Variants in LYRM4 observed in about 807,000 individuals in gnomAD.
LYRM4 encodes the protein LYR motif-containing protein 4.
Under a neutral mutation model 11.7 loss-of-function variants are expected in LYRM4, and 9 were observed. The observed-to-expected ratio is 0.77, with a 90% CI of 0.46 to 1.34. The LOEUF (loss-of-function observed/expected upper bound fraction) is 1.34. LYRM4 is among the 40% of genes most tolerant of loss of function. The pLI is 0.00. For synonymous variants in LYRM4, 42 were observed against 40.4 expected (o/e 1.04, Z -0.15); for missense variants, 133 against 112.5 (o/e 1.18, Z -0.82).
chr6:5,118,209 T>A (rs949956121), intron 2 of LYRM4, among the ~76,000 whole-genome samples: 10 of 151,376 alleles, frequency 6.6e-5, no homozygotes, highest in Non-Finnish European at 1.2e-4. Context: ...CCTCACCTCC[T>A]GTGTTCAAGT....
chr6:5,101,968 C>CTTTTTT (rs397826404), downstream of LYRM4, among the ~76,000 whole-genome samples: 1,427 of 67,962 alleles, frequency 0.021, 248 homozygotes, highest in Non-Finnish European at 0.033. Context: ...CTAATGCTTT[C>CTTTTTT]TTTTTTTTTT....
intron 1 of LYRM4, among the ~76,000 whole-genome samples, chr6:5,253,692 T>C (rs1345950059): frequency 3.3e-5 from 5 of 152,104 alleles, no homozygotes; most frequent in Non-Finnish European, 7.4e-5. Context: ...CACCGACCAA[T>C]TGAGAGCAAT....
chr6:5,160,449 C>T (rs577004334), intron 2 of LYRM4, among the ~76,000 whole-genome samples: 48 of 152,006 alleles, frequency 3.2e-4, no homozygotes, highest in African/African-American at 1.1e-3. Context: ...ATCATGGGGG[C>T]GGGTCTTTTC....
intron 1 of LYRM4, among the ~76,000 whole-genome samples, chr6:5,258,688 A>G (rs561074365): frequency 3.3e-5 from 5 of 152,370 alleles, no homozygotes; most frequent in Non-Finnish European, 5.9e-5. Context: ...CTCAGGTAAC[A>G]GTATAAAATG....
At chr6:5,132,179 A>G (rs1763985694) in intron 2 of LYRM4, among the ~76,000 whole-genome samples, 1 of 152,260 alleles carries the variant, frequency 6.6e-6, no homozygotes. Flanking sequence ...CATAAGCAAT[A>G]CATATTTAGG....
intron 2 of LYRM4, 139 bp downstream of exon 2, chr6:5,216,479 C>A: frequency 1.1e-6 from 1 of 927,302 alleles, no homozygotes; most frequent in Non-Finnish European, 1.7e-6. Context: ...CTTTACATGT[C>A]TGTATTAGTA....
rs560018038 is a variant in LYRM4, at chr6:5,189,221, C to T, written c.207+27397G>A. 1.4e-4 allele frequency among the ~76,000 whole-genome samples: 21 copies of T among 152,330 alleles called. No individual in the cohort carries two copies. In the South Asian group the frequency reaches 3.9e-3, roughly 29 times the overall value. On this transcript the variant is annotated intron_variant, in intron 2 of 2. Transcript: ENST00000330636. ...TCGTATCTCAATTTCACAACAGCCC[C>T]AGTTTTATTTGTTTTGGAGAAATTA...
chr6:5,147,369 T>C (rs1757786306), intron 2 of LYRM4, among the ~76,000 whole-genome samples: 2 of 152,348 alleles, frequency 1.3e-5, no homozygotes, highest in African/African-American at 4.8e-5. Flanking sequence ...ACCTGGATTT[T>C]GGGTTAAATA....
chr6:5,257,628 T>C (rs995442612), intron 1 of LYRM4, among the ~76,000 whole-genome samples: 6 of 152,328 alleles, frequency 3.9e-5, no homozygotes, highest in Middle Eastern at 3.4e-3. Context: ...CTCCATCTCC[T>C]GTCAGATCAG....
intron 1 of LYRM4, chr6:5,240,662 G>A (rs754402370): frequency 2.6e-5 from 4 of 152,224 alleles, no homozygotes; most frequent in Non-Finnish European, 5.9e-5. Flanking sequence ...TTGTAAACCC[G>A]CAGCAGTAGT....
At chr6:5,197,369 T>A (rs1281700006) in intron 2 of LYRM4, among the ~76,000 whole-genome samples, 1 of 152,042 alleles carries the variant, frequency 6.6e-6, no homozygotes, top group Non-Finnish European at 1.5e-5. Flanking sequence ...AAGGGTAATA[T>A]CTTAGAATAG....
At chr6:5,090,366 G>A in the LYRM4 span, among the ~76,000 whole-genome samples, 6 of 152,246 alleles carry the variant, frequency 3.9e-5, no homozygotes, top group Admixed American at 1.3e-4. The surrounding 1 kb of genome is among the most constrained non-coding windows in gnomAD (Gnocchi z 4.8). Flanking sequence ...TATTCTCCCC[G>A]GGAAGCTTCC....
At chr6:5,175,654 G>A (rs1296997600) in intron 2 of LYRM4, among the ~76,000 whole-genome samples, 1 of 152,158 alleles carries the variant, frequency 6.6e-6, no homozygotes, top group Non-Finnish European at 1.5e-5. Context: ...ATTGAGAATC[G>A]GGGGTCTATG....
At chr6:5,184,890 C>G (rs1760292466) in intron 2 of LYRM4, among the ~76,000 whole-genome samples, 1 of 152,176 alleles carries the variant, frequency 6.6e-6, no homozygotes, top group Non-Finnish European at 1.5e-5. Context: ...CTCATCACAC[C>G]TCTGATTACA....
the LYRM4 span, among the ~76,000 whole-genome samples, chr6:5,096,605 C>T: frequency 1.3e-5 from 2 of 152,186 alleles, no homozygotes; most frequent in African/African-American, 4.8e-5. Flanking sequence ...GGCTCTAGGA[C>T]AGCCAGGCCT....
chr6:5,240,097 C>G (rs966854122), intron 1 of LYRM4, among the ~76,000 whole-genome samples: 1 of 152,156 alleles, frequency 6.6e-6, no homozygotes, highest in Non-Finnish European at 1.5e-5. Context: ...AAGACATCAC[C>G]TTTCAGTACT....
chr6:5,059,514 C>A, the LYRM4 span, among the ~76,000 whole-genome samples: 1 of 152,146 alleles, frequency 6.6e-6, no homozygotes, highest in Non-Finnish European at 1.5e-5. Flanking sequence ...CGACTCCCTT[C>A]CCTGAGTTTC....
chr6:5,119,794 CAAAAAA>C (rs968606439), intron 2 of LYRM4, among the ~76,000 whole-genome samples: 1 of 16,888 alleles, frequency 5.9e-5, no homozygotes, highest in Non-Finnish European at 1.9e-4. Context: ...GTCTCCATAA[CAAAAAA>C]AAAAAAAAAA....
chr6:5,092,775 G>A, the LYRM4 span, among the ~76,000 whole-genome samples: 1 of 152,068 alleles, frequency 6.6e-6, no homozygotes, highest in Non-Finnish European at 1.5e-5. Flanking sequence ...GAGGCATTCT[G>A]TTTGTGTTCC....
Sources: allele counts gnomAD v4.1 joint callset (sites outside exome capture counted in the v4.1 genomes callset), GRCh38; gene constraint gnomAD v4.1.1; non-coding constraint Gnocchi (gnomAD v3.1); transcripts MANE v1.5; gene names NCBI Gene and HGNC (gene_info 2026-07-23, HGNC 2026-07-21).